Variants in DLG2 observed in about 807,000 individuals in gnomAD.
The protein encoded by DLG2 is discs large MAGUK scaffold protein 2, also known as disks large homolog 2.
A neutral mutation model predicts 132.5 loss-of-function variants in DLG2; 45 were observed. The observed-to-expected ratio is 0.34, with a 90% CI of 0.27 to 0.44. The LOEUF is 0.44. Ranked by LOEUF, DLG2 falls within the 20% of genes least tolerant of loss-of-function variation. The pLI, the probability that DLG2 is intolerant of heterozygous loss-of-function variation, is 1.00. For missense variants in DLG2, 1,045 were observed against 1,196.9 expected, an observed-to-expected ratio of 0.87 and a Z score of 1.87; for synonymous variants, 424 against 419.6, an observed-to-expected ratio of 1.01 and a Z score of -0.13.
chr11:83,646,438 C>T (rs528318350), intron 18 of DLG2, among the ~76,000 whole-genome samples: 1 of 151,906 alleles, frequency 6.6e-6, no homozygotes, highest in African/African-American at 2.4e-5. Context: ...GCTCTAATTT[C>T]TTCTGTTCTT....
intron 6 of DLG2, among the ~76,000 whole-genome samples, chr11:85,026,633 C>A (rs554051836): frequency 6.6e-6 from 1 of 152,116 alleles, no homozygotes; most frequent in African/African-American, 2.4e-5. Flanking sequence ...GTCAGGAGAT[C>A]GAGACCATCC....
At chr11:84,776,021 C>A (rs920523294) in intron 6 of DLG2, among the ~76,000 whole-genome samples, 6 of 152,128 alleles carry the variant, frequency 3.9e-5, no homozygotes, top group African/African-American at 1.2e-4. Flanking sequence ...ACTGTAATTT[C>A]TGATAACTGA....
At chr11:83,723,550 A>G (rs977667182) in intron 18 of DLG2, among the ~76,000 whole-genome samples, 1 of 152,032 alleles carries the variant, frequency 6.6e-6, no homozygotes, top group African/African-American at 2.4e-5. Flanking sequence ...TGTGGGTTTT[A>G]CCAAAGAAGC....
chr11:84,859,811 C>A (rs1458256683), intron 6 of DLG2, among the ~76,000 whole-genome samples: 1 of 152,024 alleles, frequency 6.6e-6, no homozygotes, highest in Non-Finnish European at 1.5e-5. Context: ...AATCAGCACA[C>A]TCAAAGAGAA....
intron 19 of DLG2, among the ~76,000 whole-genome samples, chr11:83,558,829 A>G (rs600570): frequency 0.48 from 72,417 of 150,704 alleles, 18,046 homozygotes; most frequent in African/African-American, 0.59. Context: ...TACTCCCGGT[A>G]AAAAACAGTG....
At chr11:84,192,940 TA>T (rs1398827506) in intron 8 of DLG2, among the ~76,000 whole-genome samples, 1 of 152,112 alleles carries the variant, frequency 6.6e-6, no homozygotes, top group Admixed American at 6.5e-5. Context: ...GAAATCATAA[TA>T]AACTCTATAT....
chr11:84,718,270 AT>A (rs1452110043), intron 6 of DLG2, among the ~76,000 whole-genome samples: 1 of 152,094 alleles, frequency 6.6e-6, no homozygotes, highest in Non-Finnish European at 1.5e-5. Context: ...CATAACATTA[AT>A]TTATTTTTCA....
In DLG2 at chr11:84,549,808, C is replaced by T. The variant is rs375838420; in HGVS notation, c.358-15077G>A. Among the ~76,000 whole-genome samples, 159 of 152,178 alleles carry T rather than the reference C, an allele frequency of 1.0e-3. 1 individual carries two copies. In the South Asian group the frequency reaches 0.032, roughly 30 times the overall value. On this transcript the variant is annotated intron_variant, in intron 6 of 27. Coordinates refer to ENST00000376104, the MANE Select transcript of DLG2 (RefSeq NM_001142699.3). ...TCGCTCTGTCACCTAGGCTGGAGTG[C>T]AGTGGCGCAATCTCAGCTCACTGCA...
At chr11:85,474,930 A>G (rs1322784698) in intron 3 of DLG2, among the ~76,000 whole-genome samples, 1 of 151,664 alleles carries the variant, frequency 6.6e-6, no homozygotes, top group Non-Finnish European at 1.5e-5. Context: ...ATGAACAAGC[A>G]AAGTTCCTAA....
At chr11:84,940,132 A>T (rs185038181) in intron 6 of DLG2, among the ~76,000 whole-genome samples, 53 of 152,288 alleles carry the variant, frequency 3.5e-4, no homozygotes, top group African/African-American at 1.3e-3. Context: ...CTGGAGTGAG[A>T]TGATATCACA....
At chr11:85,111,416 CTCA>C (rs1229535049) in intron 6 of DLG2, among the ~76,000 whole-genome samples, 2 of 152,102 alleles carry the variant, frequency 1.3e-5, no homozygotes, top group Non-Finnish European at 2.9e-5. Context: ...CCAACTCTAA[CTCA>C]TCAATAACCC....
intron 3 of DLG2, among the ~76,000 whole-genome samples, chr11:85,514,811 C>T (rs565083856): frequency 3.2e-4 from 49 of 151,874 alleles, no homozygotes; most frequent in Non-Finnish European, 5.2e-4. Context: ...AGTCACTCCC[C>T]CTACATACTG....
chr11:83,755,994 T>G (rs1031958383), intron 18 of DLG2, among the ~76,000 whole-genome samples: 2 of 151,340 alleles, frequency 1.3e-5, no homozygotes, highest in Non-Finnish European at 2.9e-5. Flanking sequence ...CTGCATATAC[T>G]TTTTGCTTCA....
intron 18 of DLG2, among the ~76,000 whole-genome samples, chr11:83,650,230 G>T (rs910936323): frequency 6.6e-6 from 1 of 152,204 alleles, no homozygotes; most frequent in African/African-American, 2.4e-5. Context: ...GACTTTGAAG[G>T]TGTGATTAAG....
intron 5 of DLG2, chr11:85,132,692 A>G (rs1471776461): frequency 2.2e-6 from 1 of 456,638 alleles, no homozygotes; most frequent in Non-Finnish European, 4.4e-6. Context: ...AGCACCTACT[A>G]GAACTGTTTA....
At chr11:84,184,824 G>A (rs535552520) in intron 8 of DLG2, among the ~76,000 whole-genome samples, 9,773 of 152,008 alleles carry the variant, frequency 0.064, 365 homozygotes, top group African/African-American at 0.1. Context: ...TTATTAAATA[G>A]GGAATCCTTT....
At chr11:83,581,096 A>C (rs1441774884) in intron 19 of DLG2, among the ~76,000 whole-genome samples, 1 of 151,490 alleles carries the variant, frequency 6.6e-6, no homozygotes, top group Non-Finnish European at 1.5e-5. Flanking sequence ...CAGATCTCAA[A>C]CCTCCAAATG....
chr11:85,160,550 C>T (rs2077948218), intron 4 of DLG2, among the ~76,000 whole-genome samples: 1 of 152,182 alleles, frequency 6.6e-6, no homozygotes, highest in African/African-American at 2.4e-5. Flanking sequence ...AACTGCCTAT[C>T]ATGAACTAAA....
At chr11:84,467,020 G>T (rs907932253) in intron 7 of DLG2, among the ~76,000 whole-genome samples, 4 of 150,954 alleles carry the variant, frequency 2.6e-5, no homozygotes, top group Non-Finnish European at 4.4e-5. Context: ...TCCTATCTTT[G>T]CTCACTAAAA....
Sources: gnomAD v4.1 joint callset for allele counts (sites outside exome capture counted in the v4.1 genomes callset) on GRCh38, gnomAD v4.1.1 for gene constraint, MANE v1.5 for transcripts, NCBI Gene and HGNC (gene_info 2026-07-23, HGNC 2026-07-21) for gene names.